Variants in BBX observed in about 807,000 individuals in gnomAD.
BBX encodes the protein HMG box transcription factor BBX.
BBX carries 30 observed loss-of-function variants against 100.2 expected under a neutral mutation model. The observed-to-expected ratio is 0.30, with a 90% CI of 0.22 to 0.41. The LOEUF is 0.41. Ranked by LOEUF, BBX falls within the 10% of genes least tolerant of loss-of-function variation. The pLI, the probability that BBX is intolerant of heterozygous loss-of-function variation, is 1.00. For missense variants in BBX, 1,023 were observed against 1,129.8 expected (o/e 0.91, Z 1.35); for synonymous variants, 376 against 388.1 (o/e 0.97, Z 0.37).
chr3:107,687,872 T>A (rs2059937655), intron 3 of BBX, among the ~76,000 whole-genome samples: 1 of 152,018 alleles, frequency 6.6e-6, no homozygotes, highest in Non-Finnish European at 1.5e-5. Flanking sequence ...TTGGCCAACA[T>A]GGCGAAACCC....
At chr3:107,795,095 C>T (rs912750514) in intron 15 of BBX, among the ~76,000 whole-genome samples, 6 of 152,294 alleles carry the variant, frequency 3.9e-5, no homozygotes, top group Non-Finnish European at 8.8e-5. Flanking sequence ...GTTTTGGAGC[C>T]ACAAAGCCTT....
At chr3:107,640,654 A>G (rs1214685948) in intron 2 of BBX, among the ~76,000 whole-genome samples, 2 of 151,694 alleles carry the variant, frequency 1.3e-5, no homozygotes, top group East Asian at 1.9e-4. Context: ...TATTATAATA[A>G]CTGTTTTGTT....
chr3:107,546,737 A>G (rs1022690612), intron 2 of BBX, among the ~76,000 whole-genome samples: 6 of 152,224 alleles, frequency 3.9e-5, no homozygotes, highest in African/African-American at 1.4e-4. Flanking sequence ...TGTGTGAATT[A>G]GATATTTGAT....
intron 5 of BBX, among the ~76,000 whole-genome samples, chr3:107,717,728 A>T (rs1417447204): frequency 1.3e-5 from 2 of 152,142 alleles, no homozygotes; most frequent in African/African-American, 4.8e-5. Context: ...TGGTTCTTTT[A>T]CTATATTTGG....
intron 2 of BBX, among the ~76,000 whole-genome samples, chr3:107,630,494 G>A (rs1051596781): frequency 6.6e-6 from 1 of 152,118 alleles, no homozygotes; most frequent in South Asian, 2.1e-4. Flanking sequence ...TGGAAGTGGG[G>A]AAAATGACGT....
chr3:107,756,464 T>C (rs2065484974), intron 10 of BBX, among the ~76,000 whole-genome samples: 2 of 152,180 alleles, frequency 1.3e-5, no homozygotes, highest in South Asian at 4.1e-4. Flanking sequence ...ATTTTTCTGG[T>C]TTCTTTTCAA....
At chr3:107,546,337 A>G (rs1051295250) in intron 2 of BBX, among the ~76,000 whole-genome samples, 1 of 152,178 alleles carries the variant, frequency 6.6e-6, no homozygotes, top group East Asian at 1.9e-4. Context: ...TAAATCTAGG[A>G]AATTTTAGTT....
intron 6 of BBX, among the ~76,000 whole-genome samples, chr3:107,730,513 A>G (rs1418498954): frequency 3.4e-5 from 5 of 147,992 alleles, no homozygotes; most frequent in African/African-American, 1.2e-4. Flanking sequence ...TTTTGCATAC[A>G]TCTGCTCTTC....
At chr3:107,594,698 G>C (rs556508878) in intron 2 of BBX, among the ~76,000 whole-genome samples, 3 of 152,032 alleles carry the variant, frequency 2.0e-5, no homozygotes, top group Non-Finnish European at 4.4e-5. Context: ...CACATCATAG[G>C]ATTGTTAGGA....
chr3:107,755,544 C>G lies in BBX; in HGVS notation c.826-54C>G, dbSNP rs2065408027. Reference sequence around the variant, plus strand: ...TTCCTGAATGTATATGAATGAGAAGCAAAGATTCTGGTATCACAACTAATA... The same window carrying G: ...TTCCTGAATGTATATGAATGAGAAGGAAAGATTCTGGTATCACAACTAATA... On this transcript the variant is annotated intron_variant, in intron 9 of 17. Coordinates refer to ENST00000325805, the MANE Select transcript of BBX (RefSeq NM_001142568.3). The G allele has an allele frequency of 3.3e-6, 5 of 1,503,336 alleles. No individual in the cohort carries two copies. In the African/African-American group the frequency reaches 5.5e-5, roughly 17 times the overall value. 93.1% of individuals were successfully genotyped at this position (1,503,336 alleles called of 1,614,324 possible).
intron 2 of BBX, among the ~76,000 whole-genome samples, 173 bp from the exon 3 acceptor site, chr3:107,645,663 G>A (rs1468715667): frequency 6.6e-6 from 1 of 152,002 alleles, no homozygotes; most frequent in Non-Finnish European, 1.5e-5. Flanking sequence ...AAACACTTTA[G>A]GGCCACTTTC....
chr3:107,689,880 T>A (rs2060052252), intron 3 of BBX, among the ~76,000 whole-genome samples: 1 of 152,226 alleles, frequency 6.6e-6, no homozygotes, highest in Non-Finnish European at 1.5e-5. Context: ...GCTGTGTTCC[T>A]AGTTTGCTTC....
chr3:107,808,644 T>C lies in BBX; in HGVS notation c.*3187T>C, dbSNP rs2071174882. 6.6e-6 allele frequency: 1 copy of C among 152,178 alleles called. No homozygotes were observed. The highest frequency in any genetic ancestry group is 2.1e-4 in the South Asian group (1 of 4,828). The allele number at this position is 152,178 out of a possible 1,614,324, so 9.4% of individuals were successfully genotyped here. ...AAGACATCCTTAAAGTTTTTATTTG[T>C]TTGGGTACTGTATATGAGATCAGGA... On this transcript the variant is annotated 3_prime_UTR_variant, in exon 18 of 18. Transcript: ENST00000325805.
chr3:107,533,047 G>A (rs1366195926), intron 2 of BBX, among the ~76,000 whole-genome samples: 1 of 151,952 alleles, frequency 6.6e-6, no homozygotes, highest in African/African-American at 2.4e-5. Flanking sequence ...ATACTGTCAT[G>A]GGATTGTTTA....
At chr3:107,571,032 G>A (rs542793762) in intron 2 of BBX, among the ~76,000 whole-genome samples, 9 of 152,312 alleles carry the variant, frequency 5.9e-5, no homozygotes, top group East Asian at 1.9e-4. Context: ...GGGCCAAGCG[G>A]TGTTGCAGAA....
intron 2 of BBX, among the ~76,000 whole-genome samples, chr3:107,618,203 T>A (rs1445514422): frequency 6.6e-6 from 1 of 152,064 alleles, no homozygotes; most frequent in African/African-American, 2.4e-5. Flanking sequence ...GGACTCATCC[T>A]TGTATTCCTG....
chr3:107,757,122 CA>C (rs2065541741), intron 10 of BBX, among the ~76,000 whole-genome samples: 1 of 151,976 alleles, frequency 6.6e-6, no homozygotes, highest in Non-Finnish European at 1.5e-5. Context: ...TAGGAAAATA[CA>C]TATGATTTCT....
At chr3:107,709,983 A>T (rs2061615841) in intron 3 of BBX, among the ~76,000 whole-genome samples, 2 of 152,384 alleles carry the variant, frequency 1.3e-5, no homozygotes, top group South Asian at 4.1e-4. Flanking sequence ...TGCAAAATTC[A>T]TGTAAATCAT....
At chr3:107,649,086 C>T (rs1373044140) in intron 3 of BBX, among the ~76,000 whole-genome samples, 2 of 152,188 alleles carry the variant, frequency 1.3e-5, no homozygotes, top group African/African-American at 2.4e-5. Context: ...TCTTACGTGG[C>T]AGCAGGCAGG....
Sources: gnomAD v4.1 joint callset for allele counts (sites outside exome capture counted in the v4.1 genomes callset) on GRCh38, gnomAD v4.1.1 for gene constraint, MANE v1.5 for transcripts, NCBI Gene and HGNC (gene_info 2026-07-23, HGNC 2026-07-21) for gene names.